The following PET117 variants were observed in gnomAD, a reference collection of about 807,000 sequenced individuals.
PET117 encodes the protein protein PET117 homolog, mitochondrial.
In PET117, 10 loss-of-function variants were observed where a neutral mutation model predicts 9.2. The observed-to-expected ratio is 1.09, with a 90% CI of 0.67 to 1.85. The LOEUF is 1.85. PET117 is among the 40% of genes most tolerant of loss of function. The pLI, the probability that PET117 is intolerant of heterozygous loss-of-function variation, is 0.00. For missense variants in PET117, 96 were observed against 98.2 expected (o/e 0.98, Z 0.09); for synonymous variants, 43 against 37.1 (o/e 1.16, Z -0.57).
At chr20:18,138,425 G>C in intron 1 of PET117, 1 of 1,008,364 alleles carries the variant, frequency 9.9e-7, no homozygotes, top group Non-Finnish European at 1.2e-6. Context: ...CATCTCACTT[G>C]GGCCGCTAGA....
At chr20:18,141,686 C>A (rs1303342769) in intron 1 of PET117, among the ~76,000 whole-genome samples, 1 of 152,114 alleles carries the variant, frequency 6.6e-6, no homozygotes, top group African/African-American at 2.4e-5. Flanking sequence ...GAGTTCGAGA[C>A]CAGCTTGGCT....
rs1366503577 is a variant in PET117, at chr20:18,138,350, C to T, written c.96+299C>T. On this transcript the variant is annotated intron_variant, in intron 1 of 1. Coordinates refer to ENST00000432901, the MANE Select transcript of PET117 (RefSeq NM_001164811.2). Reference sequence around the variant, plus strand: ...GCTCCGCACAGGCACGGCACGCAAGCTTTTGGGGTGCCCAGTGGCTCTGTT... The same window carrying T: ...GCTCCGCACAGGCACGGCACGCAAGTTTTTGGGGTGCCCAGTGGCTCTGTT... 1.0e-5 allele frequency: 11 copies of T among 1,094,264 alleles called. No homozygotes were observed. The South Asian group carries it at 4.4e-4, about 44-fold the overall frequency. 67.8% of individuals were successfully genotyped at this position (1,094,264 alleles called of 1,614,324 possible). A position where few individuals can be genotyped will look rare whatever the true frequency, so the allele number is the denominator to read the frequency against.
chr20:18,138,208 G>T, intron 1 of PET117, 157 bp downstream of exon 1: 4 of 1,272,348 alleles, frequency 3.1e-6, no homozygotes, highest in Non-Finnish European at 4.0e-6. Context: ...TGCGGCCGGC[G>T]GCCGCTCTGC....
Position 18,142,345 on chromosome 20 carries a change from T to C in PET117, c.234T>C (p.Ser78=), listed in dbSNP as rs2037619553. Residue 78 remains serine (S), a synonymous_variant, in exon 2 of 2, where the codon TCT becomes TCC. Transcript: ENST00000432901. ...EREKMLLAKG[S]QKS is the part of the protein sequence containing the mutation. ...AGAAGATGTTATTGGCAAAAGGATC[T>C]CAAAAATCATGACTTGAATGTGAAA... 6.5e-7 allele frequency: 1 copy of C among 1,536,004 alleles called. No homozygotes were observed. Among genetic ancestry groups the C allele is most frequent in the African/African-American group, 1.4e-5 (1 of 72,996 alleles).
chr20:18,141,351 C>T (rs148394005), intron 1 of PET117, among the ~76,000 whole-genome samples: 2,044 of 151,900 alleles, frequency 0.013, 19 homozygotes, highest in South Asian at 0.019. Flanking sequence ...TTATTTTTTC[C>T]GCTGGTAGTA....
intron 1 of PET117, among the ~76,000 whole-genome samples, chr20:18,141,191 C>G (rs1358795670): frequency 6.6e-6 from 1 of 151,700 alleles, no homozygotes; most frequent in Non-Finnish European, 1.5e-5. Flanking sequence ...GGCCTAAAAC[C>G]TTTAGAGTAT....
intron 1 of PET117, among the ~76,000 whole-genome samples, chr20:18,140,805 C>T (rs552837249): frequency 1.1e-3 from 126 of 119,190 alleles, no homozygotes; most frequent in Non-Finnish European, 1.8e-3. Flanking sequence ...GGTGACAGAA[C>T]GAGACTCCTT....
At chr20:18,139,140 A>G (rs1266588994) in intron 1 of PET117, among the ~76,000 whole-genome samples, 4 of 152,198 alleles carry the variant, frequency 2.6e-5, no homozygotes, top group African/African-American at 9.6e-5. Flanking sequence ...GAAGAGAGGA[A>G]GCATGTGATG....
At position 18,142,678 on chromosome 20, in the gene PET117, C is replaced by T. The variant is rs1312885030; in HGVS notation, c.*321C>T. 6.2e-7 allele frequency: 1 copy of T among 1,614,154 alleles called. No individual in the cohort carries two copies. The highest frequency in any genetic ancestry group is 2.2e-5 in the East Asian group (1 of 44,876). On this transcript the variant is annotated 3_prime_UTR_variant, in exon 2 of 2. Coordinates refer to ENST00000432901, the MANE Select transcript of PET117 (RefSeq NM_001164811.2). The stretch of plus-strand genomic sequence containing the variant: ...AGGAAGGGATGGATAGTAGCATCCA[C>T]CTGAGTAGTCTGATCAGTCGGCATG...
Position 18,138,145 on chromosome 20 carries a change from C to T in PET117, c.96+94C>T, listed in dbSNP as rs967747903. 8.9e-6 allele frequency: 12 copies of T among 1,343,868 alleles called. No homozygotes were observed. In the African/African-American group the frequency reaches 1.7e-4, roughly 19 times the overall value. 83.2% of individuals were successfully genotyped at this position (1,343,868 alleles called of 1,614,324 possible). A position where few individuals can be genotyped will look rare whatever the true frequency, so the allele number is the denominator to read the frequency against. Reference sequence around the variant, plus strand: ...CTGCCCGCTCGGTTCCTCAGCTCCTCTTCGTGTCTTTCCCCCGCGGTGGCG... The same window carrying T: ...CTGCCCGCTCGGTTCCTCAGCTCCTTTTCGTGTCTTTCCCCCGCGGTGGCG... On this transcript the variant is annotated intron_variant, in intron 1 of 1. Coordinates refer to ENST00000432901, the MANE Select transcript of PET117 (RefSeq NM_001164811.2).
chr20:18,142,331 T>C lies in PET117; in HGVS notation c.220T>C (p.Leu74=), dbSNP rs759362717. 2.8e-5 allele frequency: 43 copies of C among 1,536,700 alleles called. No individual in the cohort carries two copies. Among genetic ancestry groups the C allele is most frequent in the Non-Finnish European group, 6.1e-6 (7 of 1,146,648 alleles). Reference sequence around the variant, plus strand: ...TGAAGCAGAAAGAGAGAAGATGTTATTGGCAAAAGGATCTCAAAAATCATG... The same window carrying C: ...TGAAGCAGAAAGAGAGAAGATGTTACTGGCAAAAGGATCTCAAAAATCATG... ...QLEAEREKML[L]AKGSQKS The change falls in exon 2 of 2, where the codon TTG becomes CTG. Residue 74 remains leucine (L), a synonymous_variant. Transcript: ENST00000432901.
Position 18,137,911 on chromosome 20 carries a change from GC to G in PET117, c.-43del. On this transcript the variant is annotated 5_prime_UTR_variant, in exon 1 of 2. Transcript: ENST00000432901. The stretch of plus-strand genomic sequence containing the variant: ...GTGCGCACTCTGCGGCGGCCTCTGC[GC>G]CTCGGGCGGGCGGGAGAGAGAGGCC... 6.9e-7 allele frequency: 1 copy of G among 1,457,462 alleles called. No homozygotes were observed. Among genetic ancestry groups the G allele is most frequent in the Non-Finnish European group, 9.0e-7 (1 of 1,111,612 alleles). 90.3% of individuals were successfully genotyped at this position (1,457,462 alleles called of 1,614,324 possible).
At chr20:18,141,524 GTAGTT>G (rs1285499193) in intron 1 of PET117, among the ~76,000 whole-genome samples, 2 of 152,188 alleles carry the variant, frequency 1.3e-5, no homozygotes, top group Admixed American at 1.3e-4. Context: ...TAACAGAAGA[GTAGTT>G]TAGAGTGTTA....
At chr20:18,141,023 A>T (rs1172115427) in intron 1 of PET117, among the ~76,000 whole-genome samples, 3 of 48,756 alleles carry the variant, frequency 6.2e-5, no homozygotes, top group South Asian at 9.6e-4. Context: ...ACTCCCTGCA[A>T]TTTTTTTTTT....
intron 1 of PET117, 36 bp from the exon 2 acceptor site, chr20:18,142,172 C>G (rs888716284): frequency 1.3e-6 from 2 of 1,527,828 alleles, no homozygotes; most frequent in Admixed American, 2.0e-5. Context: ...ACCACCTGTT[C>G]GGGATGTTAC....
At chr20:18,141,051 T>TTTGTTTTTTTTTTTG (rs58888387) in intron 1 of PET117, among the ~76,000 whole-genome samples, 2 of 109,704 alleles carry the variant, frequency 1.8e-5, no homozygotes, top group Non-Finnish European at 3.5e-5. Flanking sequence ...TTTTTTATTT[T>TTTGTTTTTTTTTTTG]TATTTTTGCT....
rs2037619642 is a variant in PET117 at position 18,142,346 on chromosome 20, C to G, written c.235C>G (p.Gln79Glu). ...GAAGATGTTATTGGCAAAAGGATCT[C>G]AAAAATCATGACTTGAATGTGAAAT... ...REKMLLAKGS[Q>E]KS Residue 79 changes from glutamine to glutamate, a missense_variant, in exon 2 of 2, where the codon CAA (glutamine) becomes GAA (glutamate). Transcript: ENST00000432901. 1 of 1,535,758 alleles carries G rather than the reference C, an allele frequency of 6.5e-7. No homozygotes were observed. Among genetic ancestry groups the G allele is most frequent in the Non-Finnish European group, 8.7e-7 (1 of 1,146,084 alleles).
At position 18,143,043 on chromosome 20, in the gene PET117, G is replaced by A. The variant is rs769676065; in HGVS notation, c.*686G>A. ...AAAGGATAATTATATTTATTCTCTA[G>A]TTGATCAGCTATAAATTTATATAAA... On this transcript the variant is annotated 3_prime_UTR_variant, in exon 2 of 2. Coordinates refer to ENST00000432901, the MANE Select transcript of PET117 (RefSeq NM_001164811.2). 3 of 1,443,846 alleles carry A rather than the reference G, an allele frequency of 2.1e-6. No homozygotes were observed. Among genetic ancestry groups the A allele is most frequent in the Admixed American group, 2.7e-5 (1 of 36,638 alleles). 89.4% of individuals were successfully genotyped at this position (1,443,846 alleles called of 1,614,324 possible).
chr20:18,141,473 A>G lies in PET117; in HGVS notation c.97-735A>G, dbSNP rs1600213414. Reference sequence around the variant, plus strand: ...CCAAGTTGAGATTTTAGTAATCTGCATTTTTTCTGTTGGTGTTTATTGTTC... The same window carrying G: ...CCAAGTTGAGATTTTAGTAATCTGCGTTTTTTCTGTTGGTGTTTATTGTTC... On this transcript the variant is annotated intron_variant, in intron 1 of 1. Coordinates refer to ENST00000432901, the MANE Select transcript of PET117 (RefSeq NM_001164811.2). Among the ~76,000 whole-genome samples the G allele has an allele frequency of 2.6e-5, 4 of 152,104 alleles. No homozygotes were observed. The South Asian group carries it at 8.3e-4, about 32-fold the overall frequency.
Sources: allele counts gnomAD v4.1 joint callset (sites outside exome capture counted in the v4.1 genomes callset), GRCh38; gene constraint gnomAD v4.1.1; transcripts MANE v1.5; gene names NCBI Gene and HGNC (gene_info 2026-07-23, HGNC 2026-07-21).